Variants in B4GALT4 observed in about 807,000 individuals in gnomAD.
B4GALT4 encodes the protein beta-1,4-galactosyltransferase 4, also known as N-acetyllactosamine synthase.
In B4GALT4, 27 loss-of-function variants were observed where a neutral mutation model predicts 37.3. The ratio of observed to expected loss-of-function variants is 0.72; its 90% confidence interval spans 0.53 to 1.00. The LOEUF is 1.00. Among genes scored for constraint, B4GALT4 ranks in the 50% least tolerant of loss-of-function variants. B4GALT4 has a pLI of 0.00. For missense variants in B4GALT4, 372 were observed against 413.1 expected (o/e 0.90, Z 0.86); for synonymous variants, 148 against 154.1 (o/e 0.96, Z 0.29).
In B4GALT4 at chr3:119,212,592, G is replaced by T; in HGVS notation, c.992C>A (p.Pro331His). Residue 331 changes from proline to histidine, a missense_variant, in exon 8 of 8, where the codon CCT becomes CAT. Pro to His is a moderately conservative substitution (Grantham distance 77). Transcript: ENST00000393765. ...SYKLVSVEHNPLYINITVDFW... is the reference protein window; with the variant it reads ...SYKLVSVEHNHLYINITVDFW... ...ATCCACTGTGATGTTGATATATAAA[G>T]GATTGTGTTCCACAGATACTAATTT... 6.2e-7 allele frequency: 1 copy of T among 1,612,302 alleles called. No homozygotes were observed. Among genetic ancestry groups the T allele is most frequent in the Non-Finnish European group, 8.5e-7 (1 of 1,179,460 alleles).
intron 2 of B4GALT4, among the ~76,000 whole-genome samples, chr3:119,230,739 G>T (rs967680942): frequency 1.6e-4 from 24 of 152,202 alleles, no homozygotes; most frequent in African/African-American, 5.8e-4. Context: ...CAACAACAGG[G>T]AATGAATGCT....
chr3:119,224,349 C>T (rs188899183), intron 4 of B4GALT4, 104 bp from the exon 5 acceptor site: 29 of 790,876 alleles, frequency 3.7e-5, no homozygotes, highest in Middle Eastern at 6.6e-4. Context: ...AATTATTCTA[C>T]GCACGAGACT....
chr3:119,224,093 C>T lies in B4GALT4; in HGVS notation c.639G>A (p.Lys213=). The stretch of plus-strand genomic sequence containing the variant: ...TGCTGTTCCTGCCAACCACCAGATG[C>T]TTGGGATGCTCCTCACACTTGTAAA... ...FNLYKCEEHP[K]HLVVGRNSTG... is the part of the protein sequence containing the mutation. Residue 213 remains lysine (K), a synonymous_variant, in exon 5 of 8, where the codon AAG becomes AAA. Transcript: ENST00000393765. The T allele has an allele frequency of 6.2e-7, 1 of 1,613,814 alleles. No individual in the cohort carries two copies. Among genetic ancestry groups the T allele is most frequent in the Non-Finnish European group, 8.5e-7 (1 of 1,179,900 alleles).
intron 3 of B4GALT4, among the ~76,000 whole-genome samples, chr3:119,227,731 T>C (rs1184249606): frequency 6.6e-6 from 1 of 152,174 alleles, no homozygotes; most frequent in Non-Finnish European, 1.5e-5. Context: ...GGTTTTTTTG[T>C]TTGTTTGTTT....
rs542225570 is a variant in B4GALT4, at chr3:119,216,491, T to C, written c.798-147A>G. On this transcript the variant is annotated intron_variant, in intron 6 of 7. Coordinates refer to ENST00000393765, the MANE Select transcript of B4GALT4 (RefSeq NM_003778.4). ...ACACACAGTGTCACAAACAGCTTGA[T>C]TATTGGAGTATTAAAAAAAGAAAAA... is the stretch of plus-strand genomic sequence containing the variant. 1.6e-5 allele frequency: 8 copies of C among 488,062 alleles called. No individual in the cohort carries two copies. In the East Asian group the frequency reaches 1.7e-4, roughly 10 times the overall value. 30.2% of individuals were successfully genotyped at this position (488,062 alleles called of 1,614,324 possible). A position where few individuals can be genotyped will look rare whatever the true frequency, so the allele number is the denominator to read the frequency against.
At chr3:119,231,044 C>G (rs1264680569) in intron 2 of B4GALT4, among the ~76,000 whole-genome samples, 4 of 152,032 alleles carry the variant, frequency 2.6e-5, no homozygotes, top group Non-Finnish European at 5.9e-5. Context: ...GCTTAGATGA[C>G]CTAATTTATT....
At chr3:119,218,419 C>A (rs895155439) in intron 6 of B4GALT4, among the ~76,000 whole-genome samples, 10 of 152,146 alleles carry the variant, frequency 6.6e-5, no homozygotes, top group Admixed American at 1.3e-4. Context: ...GTACATGAGG[C>A]CTCCACCAAC....
intron 5 of B4GALT4, among the ~76,000 whole-genome samples, chr3:119,220,160 C>T (rs1030853718): frequency 1.3e-5 from 2 of 152,108 alleles, no homozygotes; most frequent in Non-Finnish European, 2.9e-5. Context: ...TGTATTTTTG[C>T]AGCCTATAAT....
At chr3:119,218,306 G>A (rs1475474423) in intron 6 of B4GALT4, among the ~76,000 whole-genome samples, 1 of 152,202 alleles carries the variant, frequency 6.6e-6, no homozygotes, top group East Asian at 1.9e-4. Flanking sequence ...CTGACAGAAA[G>A]CATGAGGCTC....
intron 5 of B4GALT4, among the ~76,000 whole-genome samples, chr3:119,221,197 G>A (rs570512939): frequency 2.0e-5 from 3 of 152,322 alleles, no homozygotes; most frequent in East Asian, 1.9e-4. Flanking sequence ...CTTGTAGGAA[G>A]GAGGCTGGTA....
chr3:119,219,850 C>T (rs760886248), intron 5 of B4GALT4, among the ~76,000 whole-genome samples: 1 of 152,126 alleles, frequency 6.6e-6, no homozygotes, highest in African/African-American at 2.4e-5. Context: ...GTTAAGGTAG[C>T]TTAAAAACTT....
Position 119,212,231 on chromosome 3 carries a change from T to C in B4GALT4, c.*318A>G. 1.4e-6 allele frequency: 1 copy of C among 702,928 alleles called. No individual in the cohort carries two copies. The allele number at this position is 702,928 out of a possible 1,614,324, so 43.5% of individuals were successfully genotyped here. Reference sequence around the variant, plus strand: ...ATCCCATAATATATTACTTCAAATTTAAATAAATCTCCTTCAACCAGAGTC... The same window carrying C: ...ATCCCATAATATATTACTTCAAATTCAAATAAATCTCCTTCAACCAGAGTC... On this transcript the variant is annotated 3_prime_UTR_variant, in exon 8 of 8. Coordinates refer to ENST00000393765, the MANE Select transcript of B4GALT4 (RefSeq NM_003778.4).
intron 2 of B4GALT4, among the ~76,000 whole-genome samples, chr3:119,231,978 A>G (rs940643466): frequency 1.3e-5 from 2 of 151,722 alleles, no homozygotes; most frequent in African/African-American, 4.8e-5. Flanking sequence ...TTTAATGGTG[A>G]ATAGAGAGGC....
chr3:119,216,242 T>G lies in B4GALT4; in HGVS notation c.900A>C (p.Glu300Asp). The G allele has an allele frequency of 6.2e-7, 1 of 1,611,012 alleles. No individual in the cohort carries two copies. The highest frequency in any genetic ancestry group is 8.5e-7 in the Non-Finnish European group (1 of 1,178,376). Residue 300 changes from glutamate (E) to aspartate (D), a missense_variant and splice_region_variant, in exon 7 of 8, where the codon GAA becomes GAC. Transcript: ENST00000393765. ...TRDKGNEVNA[E>D]RMKLLHQVSR... Reference sequence around the variant, plus strand: ...AGGCAGGTGAAGCCAGGACTTACCGTTCTGCGTTCACCTCATTGCCTTTGT... The same window carrying G: ...AGGCAGGTGAAGCCAGGACTTACCGGTCTGCGTTCACCTCATTGCCTTTGT...
At chr3:119,229,304 G>T (rs192492750) in intron 3 of B4GALT4, among the ~76,000 whole-genome samples, 1 of 152,192 alleles carries the variant, frequency 6.6e-6, no homozygotes, top group African/African-American at 2.4e-5. Flanking sequence ...ATCAATGGAC[G>T]CTACTAATGT....
In B4GALT4 at chr3:119,224,063, C is replaced by T. The variant is rs972399492; in HGVS notation, c.669G>A (p.Gly223=). The T allele has an allele frequency of 2.5e-6, 4 of 1,612,634 alleles. No homozygotes were observed. The highest frequency in any genetic ancestry group is 1.7e-5 in the Admixed American group (1 of 59,824). The change falls in exon 5 of 8, where the codon GGG becomes GGA. Residue 223 remains glycine (G), a synonymous_variant. Coordinates refer to ENST00000393765, the MANE Select transcript of B4GALT4 (RefSeq NM_003778.4). The stretch of plus-strand genomic sequence containing the variant: ...CCTCAGCAGAACCACCTTACCTGTA[C>T]CCAGTGCTGTTCCTGCCAACCACCA... ...KHLVVGRNST[G]YRLRYSGYFG... is the part of the protein sequence containing the mutation.
intron 6 of B4GALT4, among the ~76,000 whole-genome samples, chr3:119,218,234 G>A (rs1429025971): frequency 6.6e-6 from 1 of 152,208 alleles, no homozygotes; most frequent in African/African-American, 2.4e-5. Context: ...AACATGTGCA[G>A]CTCCCCAGAG....
chr3:119,227,048 T>C lies in B4GALT4; in HGVS notation c.254-7A>G. 1 of 1,611,848 alleles carries C rather than the reference T, an allele frequency of 6.2e-7. No homozygotes were observed. Among genetic ancestry groups the C allele is most frequent in the Non-Finnish European group, 8.5e-7 (1 of 1,178,070 alleles). On this transcript the variant is annotated splice_polypyrimidine_tract_variant and splice_region_variant and intron_variant, in intron 3 of 7. Transcript: ENST00000393765. ...ATGAGCTTGCTCTGGCCTCCTACAATGAACATAGGACACAGACAATAACAG... is the reference window on the plus strand; with the variant it reads ...ATGAGCTTGCTCTGGCCTCCTACAACGAACATAGGACACAGACAATAACAG...
chr3:119,228,699 G>A (rs2078703486), intron 3 of B4GALT4, among the ~76,000 whole-genome samples: 1 of 152,188 alleles, frequency 6.6e-6, no homozygotes, highest in Admixed American at 6.5e-5. Context: ...TACACAGACT[G>A]AATGTCTGTG....
Sources: gnomAD v4.1 joint callset for allele counts (sites outside exome capture counted in the v4.1 genomes callset) on GRCh38, gnomAD v4.1.1 for gene constraint, MANE v1.5 for transcripts, NCBI Gene and HGNC (gene_info 2026-07-23, HGNC 2026-07-21) for gene names.